The following PRUNE2 variants were observed in gnomAD, a reference collection of about 807,000 sequenced individuals.
PRUNE2 encodes prune homolog 2 with BCH domain, also known as protein prune homolog 2.
Under a neutral mutation model 252.0 loss-of-function variants are expected in PRUNE2, and 164 were observed. The ratio of observed to expected loss-of-function variants is 0.65; its 90% CI spans 0.57 to 0.74. The LOEUF (loss-of-function observed/expected upper bound fraction) is 0.74. Ranked by LOEUF, PRUNE2 falls within the 30% of genes least tolerant of loss-of-function variation. The pLI is 0.00. For synonymous variants in PRUNE2, 1,292 were observed against 1,350.2 expected, an observed-to-expected ratio of 0.96 and a Z score of 0.94; for missense variants, 3,495 against 3,711.0, an observed-to-expected ratio of 0.94 and a Z score of 1.51.
chr9:76,783,265 T>G (rs1419751218), intron 6 of PRUNE2, among the ~76,000 whole-genome samples: 2 of 152,136 alleles, frequency 1.3e-5, no homozygotes, highest in East Asian at 3.9e-4. Flanking sequence ...GCCTCCCAAG[T>G]AGCTGGGATT....
intron 1 of PRUNE2, among the ~76,000 whole-genome samples, chr9:76,874,944 C>T (rs1040867362): frequency 6.6e-6 from 1 of 152,146 alleles, no homozygotes; most frequent in African/African-American, 2.4e-5. Context: ...ATTTTACTTG[C>T]ATACAACCTA....
intron 1 of PRUNE2, among the ~76,000 whole-genome samples, chr9:76,855,149 A>G (rs1411536346): frequency 6.6e-6 from 1 of 150,376 alleles, no homozygotes; most frequent in Non-Finnish European, 1.5e-5. Flanking sequence ...TTTCTGGTTA[A>G]CTAAATAGTT....
chr9:76,680,626 T>C (rs943311910), intron 9 of PRUNE2, among the ~76,000 whole-genome samples: 1 of 152,140 alleles, frequency 6.6e-6, no homozygotes, highest in Non-Finnish European at 1.5e-5. Context: ...TAATAACCAA[T>C]AGGTGGAAGC....
intron 6 of PRUNE2, among the ~76,000 whole-genome samples, chr9:76,725,946 G>A (rs1252901076): frequency 6.6e-6 from 1 of 152,214 alleles, no homozygotes; most frequent in African/African-American, 2.4e-5. Context: ...AGCAGGATCT[G>A]GGGAGTGTTC....
intron 17 of PRUNE2, among the ~76,000 whole-genome samples, chr9:76,624,250 C>T (rs1187371379): frequency 2.6e-5 from 4 of 152,100 alleles, no homozygotes; most frequent in South Asian, 4.1e-4. Flanking sequence ...CAAATACATT[C>T]CTCAGTATAA....
At chr9:76,735,036 G>C (rs138295359) in intron 6 of PRUNE2, among the ~76,000 whole-genome samples, 4 of 152,220 alleles carry the variant, frequency 2.6e-5, no homozygotes, top group Non-Finnish European at 4.4e-5. Context: ...GAGCCATCCT[G>C]GGGAGTCATG....
intron 6 of PRUNE2, among the ~76,000 whole-genome samples, chr9:76,795,861 T>C (rs1489390400): frequency 6.6e-6 from 1 of 152,192 alleles, no homozygotes; most frequent in Non-Finnish European, 1.5e-5. Context: ...CCATTTAATA[T>C]TGAAGTACTT....
intron 6 of PRUNE2, among the ~76,000 whole-genome samples, chr9:76,756,400 G>A (rs10217198): frequency 0.13 from 20,117 of 152,136 alleles, 2,117 homozygotes; most frequent in East Asian, 0.41. Context: ...TCTTTGAATT[G>A]GTAAACCCCT....
At chr9:76,856,769 T>C (rs1245113267) in intron 1 of PRUNE2, among the ~76,000 whole-genome samples, 1 of 151,976 alleles carries the variant, frequency 6.6e-6, no homozygotes, top group Admixed American at 6.6e-5. Flanking sequence ...TTTTTTTTTT[T>C]CCAAGATGGA....
chr9:76,897,172 G>A lies in PRUNE2; in HGVS notation c.36+8756C>T, dbSNP rs73462390. ...AAGAATGAACCCCTCTTGGGTCAGC[G>A]TGAACAATATATGTGCAATTTCACT... On this transcript the variant is annotated intron_variant, in intron 1 of 18. Transcript: ENST00000376718. 3.1e-3 allele frequency among the ~76,000 whole-genome samples: 473 copies of A among 152,206 alleles called. 3 individuals carry two copies. Among genetic ancestry groups the A allele is most frequent in the African/African-American group, 0.01 (431 of 41,544 alleles).
At position 76,808,685 on chromosome 9, in the gene PRUNE2, C is replaced by T. The variant is rs145804865; in HGVS notation, c.756+14947G>A. 2.7e-3 allele frequency: 413 copies of T among 152,498 alleles called. 2 individuals are homozygous for T. Among genetic ancestry groups the T allele is most frequent in the Non-Finnish European group, 4.2e-3 (284 of 68,158 alleles). The allele number at this position is 152,498 out of a possible 1,614,324, so 9.4% of individuals were successfully genotyped here. On this transcript the variant is annotated intron_variant, in intron 6 of 18. Coordinates refer to ENST00000376718, the MANE Select transcript of PRUNE2 (RefSeq NM_015225.3). ...AGAGACAAAGACTCCAGCTCTATCT[C>T]TGATGGACCGAGTAGGAAGAATCAG...
chr9:76,625,427 T>A (rs1435264199), intron 16 of PRUNE2, among the ~76,000 whole-genome samples: 1 of 152,178 alleles, frequency 6.6e-6, no homozygotes, highest in Non-Finnish European at 1.5e-5. Flanking sequence ...TTGTATAAGT[T>A]CACTATGATG....
chr9:76,647,928 C>T (rs1202624340), intron 11 of PRUNE2, among the ~76,000 whole-genome samples: 1 of 152,118 alleles, frequency 6.6e-6, no homozygotes, highest in African/African-American at 2.4e-5. Context: ...CGTCACTGCA[C>T]TCCAGCCTGG....
At chr9:76,678,955 A>G (rs1381927744) in intron 9 of PRUNE2, among the ~76,000 whole-genome samples, 1 of 152,256 alleles carries the variant, frequency 6.6e-6, no homozygotes. Context: ...TGCATCTAAC[A>G]AGAATCTAGT....
intron 6 of PRUNE2, among the ~76,000 whole-genome samples, chr9:76,732,753 G>A (rs73650989): frequency 0.052 from 7,983 of 152,242 alleles, 654 homozygotes; most frequent in African/African-American, 0.18. Context: ...TGTCTGAGCT[G>A]GACTGAATGA....
intron 6 of PRUNE2, among the ~76,000 whole-genome samples, chr9:76,723,562 C>T (rs1238790923): frequency 6.6e-6 from 1 of 152,140 alleles, no homozygotes; most frequent in Non-Finnish European, 1.5e-5. Context: ...GAAGTCCTCT[C>T]ACTAAGGTAC....
intron 6 of PRUNE2, among the ~76,000 whole-genome samples, chr9:76,753,686 G>A (rs992238116): frequency 1.3e-5 from 2 of 151,976 alleles, no homozygotes; most frequent in African/African-American, 4.8e-5. Flanking sequence ...AGGCCGAGGC[G>A]GGCAGATCAC....
At chr9:76,746,433 C>T (rs949170034) in intron 6 of PRUNE2, among the ~76,000 whole-genome samples, 17 of 152,004 alleles carry the variant, frequency 1.1e-4, no homozygotes, top group African/African-American at 3.1e-4. Flanking sequence ...CGGCCGGGCG[C>T]GGTGGCTCAC....
intron 16 of PRUNE2, among the ~76,000 whole-genome samples, chr9:76,626,712 A>T (rs1834944507): frequency 6.6e-6 from 1 of 152,228 alleles, no homozygotes; most frequent in African/African-American, 2.4e-5. Flanking sequence ...CAACAGGTGT[A>T]ACAATAAATA....
Sources: gnomAD v4.1 joint callset for allele counts (sites outside exome capture counted in the v4.1 genomes callset) on GRCh38, gnomAD v4.1.1 for gene constraint, MANE v1.5 for transcripts, NCBI Gene and HGNC (gene_info 2026-07-23, HGNC 2026-07-21) for gene names.